The following FEZ1 variants were observed in gnomAD, a reference collection of about 807,000 sequenced individuals.
The protein encoded by FEZ1 is fasciculation and elongation protein zeta-1.
In FEZ1, 20 loss-of-function variants were observed where a neutral mutation model predicts 49.3. The ratio of observed to expected loss-of-function variants is 0.41; its 90% CI spans 0.29 to 0.59. The LOEUF is 0.59. Among genes scored for constraint, FEZ1 ranks in the 20% least tolerant of loss-of-function variants. The pLI is 0.36. For missense variants in FEZ1, 413 were observed against 476.0 expected, an observed-to-expected ratio of 0.87 and a Z score of 1.23; for synonymous variants, 170 against 180.9, an observed-to-expected ratio of 0.94 and a Z score of 0.48.
chr11:125,461,335 G>C (rs1022529277), intron 4 of FEZ1, among the ~76,000 whole-genome samples: 1 of 152,158 alleles, frequency 6.6e-6, no homozygotes, highest in African/African-American at 2.4e-5. Flanking sequence ...AGCTGGGCAT[G>C]GTGTCTCATG....
At chr11:125,478,301 G>C (rs996962730) in intron 3 of FEZ1, among the ~76,000 whole-genome samples, 8 of 152,124 alleles carry the variant, frequency 5.3e-5, no homozygotes, top group African/African-American at 1.9e-4. Flanking sequence ...AATTAGCTGA[G>C]CATGATGGCA....
rs1474560760 is a variant in FEZ1, at chr11:125,444,640, G to A, written c.*1455C>T. Among the ~76,000 whole-genome samples, 2 of 151,884 alleles carry A rather than the reference G, an allele frequency of 1.3e-5. No homozygotes were observed. Among genetic ancestry groups the A allele is most frequent in the Admixed American group, 6.6e-5 (1 of 15,246 alleles). On this transcript the variant is annotated 3_prime_UTR_variant, in exon 10 of 10. Coordinates refer to ENST00000278919, the MANE Select transcript of FEZ1 (RefSeq NM_005103.5). The stretch of plus-strand genomic sequence containing the variant: ...AGGCAGGGCACTGGGAGTGCCTTCT[G>A]TGTCCCCTAGATGGATTCTGTGGCC...
intron 8 of FEZ1, among the ~76,000 whole-genome samples, chr11:125,449,136 G>A (rs1956925322): frequency 6.6e-6 from 1 of 151,668 alleles, no homozygotes; most frequent in Non-Finnish European, 1.5e-5. Flanking sequence ...AAACTCCTGG[G>A]TTCAAGTAAT....
At chr11:125,482,899 C>G (rs551418678) in intron 2 of FEZ1, among the ~76,000 whole-genome samples, 22 of 131,346 alleles carry the variant, frequency 1.7e-4, no homozygotes, top group East Asian at 4.9e-4. Flanking sequence ...ATGGGAAGAA[C>G]CTTAGGAAGT....
chr11:125,469,777 G>A (rs643092), intron 3 of FEZ1, among the ~76,000 whole-genome samples: 76,571 of 149,064 alleles, frequency 0.51, 19,691 homozygotes, highest in African/African-American at 0.57. Flanking sequence ...GGGTCTTACT[G>A]TGTTGGCCAG....
In FEZ1 at chr11:125,456,070, A is replaced by AG; in HGVS notation, c.703dup (p.Leu235ProfsTer11). 1 of 1,608,766 alleles carries AG rather than the reference A, an allele frequency of 6.2e-7. No homozygotes were observed. The highest frequency in any genetic ancestry group is 8.5e-7 in the Non-Finnish European group (1 of 1,178,304). Reference sequence around the variant, plus strand: ...GATGGCACCCTCCACCTGGTCCAGCAGCTCGGTCAGCTCAGACCCAGACAT... The same window carrying AG: ...GATGGCACCCTCCACCTGGTCCAGCAGGCTCGGTCAGCTCAGACCCAGACAT... On this transcript the variant is annotated frameshift_variant, in exon 6 of 10. Coordinates refer to ENST00000278919, the MANE Select transcript of FEZ1 (RefSeq NM_005103.5). LOFTEE classifies it high-confidence loss of function.
intron 3 of FEZ1, 110 bp from the exon 4 acceptor site, chr11:125,463,680 C>T: frequency 4.2e-6 from 3 of 712,314 alleles, no homozygotes; most frequent in Non-Finnish European, 7.6e-6. Flanking sequence ...CAGCCAGCTG[C>T]TGTCTAAACA....
intron 3 of FEZ1, among the ~76,000 whole-genome samples, chr11:125,467,261 C>T (rs1957139580): frequency 6.6e-6 from 1 of 152,072 alleles, no homozygotes; most frequent in Non-Finnish European, 1.5e-5. Flanking sequence ...CCAGGCTGGT[C>T]TCAAACTCCT....
chr11:125,478,438 T>C (rs955868703), intron 3 of FEZ1, among the ~76,000 whole-genome samples: 1 of 152,088 alleles, frequency 6.6e-6, no homozygotes, highest in Non-Finnish European at 1.5e-5. Flanking sequence ...AGAGACACCA[T>C]CTCAAAAAAT....
chr11:125,476,956 C>T (rs35904963), intron 3 of FEZ1, among the ~76,000 whole-genome samples: 26,164 of 151,836 alleles, frequency 0.17, 2,378 homozygotes, highest in East Asian at 0.3. Flanking sequence ...GAATCCCCAG[C>T]ATGAAGGGAA....
chr11:125,461,373 G>A (rs1271791644), intron 4 of FEZ1, among the ~76,000 whole-genome samples: 10 of 152,170 alleles, frequency 6.6e-5, no homozygotes, highest in Non-Finnish European at 8.8e-5. Context: ...TTGGGAAGCC[G>A]AGGCAGGTGG....
At chr11:125,491,320 T>A (rs1957379686) in intron 1 of FEZ1, among the ~76,000 whole-genome samples, 1 of 152,134 alleles carries the variant, frequency 6.6e-6, no homozygotes, top group Non-Finnish European at 1.5e-5. Flanking sequence ...TGTGTGTACA[T>A]CTGGGCCCCA....
intron 3 of FEZ1, among the ~76,000 whole-genome samples, chr11:125,472,825 TA>T (rs1466695725): frequency 1.3e-5 from 2 of 152,104 alleles, no homozygotes; most frequent in Non-Finnish European, 2.9e-5. Context: ...ATATCATAAC[TA>T]AGTGGGGTTT....
intron 2 of FEZ1, chr11:125,488,607 G>A (rs538574777): frequency 1.1e-4 from 40 of 373,066 alleles, no homozygotes; most frequent in African/African-American, 8.4e-4. Flanking sequence ...TTGAACCTGG[G>A]AGGTGGAGGT....
At chr11:125,450,438 G>A (rs1387275649) in intron 8 of FEZ1, among the ~76,000 whole-genome samples, 3 of 152,180 alleles carry the variant, frequency 2.0e-5, no homozygotes, top group South Asian at 4.1e-4. Flanking sequence ...CGAAGATCAC[G>A]TAAAAATACA....
rs115757040 is a variant in FEZ1 at position 125,445,692 on chromosome 11, G to A, written c.*403C>T. 1,158 of 335,408 alleles carry A rather than the reference G, an allele frequency of 3.5e-3. 13 individuals carry two copies. The highest frequency in any genetic ancestry group is 0.022 in the African/African-American group (1,042 of 46,466). The allele number at this position is 335,408 out of a possible 1,614,324, so 20.8% of individuals were successfully genotyped here. On this transcript the variant is annotated 3_prime_UTR_variant, in exon 10 of 10. Coordinates refer to ENST00000278919, the MANE Select transcript of FEZ1 (RefSeq NM_005103.5). The surrounding 1 kb of genome is among the most constrained non-coding windows in gnomAD (Gnocchi z 4.4). ...GCGTGCAAAGAATGCTATACAGCCCGTCTCTGGAGTCTGGAGCAGAGGGCT... is the reference window on the plus strand; with the variant it reads ...GCGTGCAAAGAATGCTATACAGCCCATCTCTGGAGTCTGGAGCAGAGGGCT...
intron 3 of FEZ1, among the ~76,000 whole-genome samples, chr11:125,479,909 G>T (rs1171207006): frequency 6.6e-6 from 1 of 152,106 alleles, no homozygotes; most frequent in African/African-American, 2.4e-5. Context: ...CAGATAGGAG[G>T]GGCAATTTGG....
At chr11:125,482,051 G>T (rs1379545443) in intron 2 of FEZ1, among the ~76,000 whole-genome samples, 2 of 152,194 alleles carry the variant, frequency 1.3e-5, no homozygotes, top group Non-Finnish European at 2.9e-5. Flanking sequence ...AAGGGAGAGA[G>T]AGAGAGAGGA....
At chr11:125,493,874 T>C (rs2135796492) in intron 1 of FEZ1, among the ~76,000 whole-genome samples, 1 of 152,314 alleles carries the variant, frequency 6.6e-6, no homozygotes, top group South Asian at 2.1e-4. Flanking sequence ...ACAGTCTATA[T>C]GATTAACCAG....
Sources: allele counts gnomAD v4.1 joint callset (sites outside exome capture counted in the v4.1 genomes callset), GRCh38; gene constraint gnomAD v4.1.1; non-coding constraint Gnocchi (gnomAD v3.1); transcripts MANE v1.5; gene names NCBI Gene and HGNC (gene_info 2026-07-23, HGNC 2026-07-21).